EDIL3: variants seen among roughly 807,000 people sequenced by gnomAD.
EDIL3 encodes EGF-like repeat and discoidin I-like domain-containing protein 3.
Under a neutral mutation model 67.4 loss-of-function variants are expected in EDIL3, and 37 were observed. That is an observed-to-expected ratio of 0.55 (90% CI 0.42 to 0.72). The LOEUF is 0.72. EDIL3 is among the 30% of genes least tolerant of loss of function. The pLI, the probability that EDIL3 is intolerant of heterozygous loss-of-function variation, is 0.00. For missense variants in EDIL3, 527 were observed against 586.3 expected (o/e 0.90, Z 1.04); for synonymous variants, 195 against 196.3 (o/e 0.99, Z 0.05).
chr5:84,346,849 G>T (rs187547619), intron 1 of EDIL3, among the ~76,000 whole-genome samples: 1 of 152,266 alleles, frequency 6.6e-6, no homozygotes, highest in Admixed American at 6.5e-5. Context: ...ATATGAGAAT[G>T]TCCAACACAG....
Position 83,943,384 on chromosome 5 carries a change from A to T in EDIL3, c.*35T>A. The T allele has an allele frequency of 6.2e-7, 1 of 1,610,510 alleles. No individual in the cohort carries two copies. Among genetic ancestry groups the T allele is most frequent in the South Asian group, 1.1e-5 (1 of 90,970 alleles). On this transcript the variant is annotated 3_prime_UTR_variant, in exon 11 of 11. Transcript: ENST00000296591. ...TCATTCCATGGAGATACTTTTAGGG[A>T]AATAGGGAAGAGGGTTGTGAAATGT...
rs181559757 is a variant in EDIL3, at chr5:83,964,528, T to C, written c.1138-1168A>G. Among the ~76,000 whole-genome samples, 68 of 152,022 alleles carry C rather than the reference T, an allele frequency of 4.5e-4. No homozygotes were observed. In the East Asian group the frequency reaches 0.012, roughly 26 times the overall value. ...GAGATGTAAGGTAGCCACAAATAGA[T>C]AGTCATGGGTCAGATACAGGCCATG... On this transcript the variant is annotated intron_variant, in intron 9 of 10. Transcript: ENST00000296591.
chr5:83,994,687 T>C lies in EDIL3; in HGVS notation c.1138-31327A>G, dbSNP rs368988785. ...CCACATTGCTTAGTTCTTTCCAAAT[T>C]ACTTCTTGCCTGGAGAGAAAACATG... On this transcript the variant is annotated intron_variant, in intron 9 of 10. Coordinates refer to ENST00000296591, the MANE Select transcript of EDIL3 (RefSeq NM_005711.5). Among the ~76,000 whole-genome samples, 36 of 152,314 alleles carry C rather than the reference T, an allele frequency of 2.4e-4. No homozygotes were observed. The South Asian group carries it at 7.5e-3, about 32-fold the overall frequency.
At chr5:83,960,829 G>T (rs565638372) in intron 10 of EDIL3, among the ~76,000 whole-genome samples, 1 of 150,766 alleles carries the variant, frequency 6.6e-6, no homozygotes, top group South Asian at 2.1e-4. Context: ...TGACAAATAG[G>T]CACTAAATAG....
intron 3 of EDIL3, among the ~76,000 whole-genome samples, chr5:84,223,603 T>A (rs1271664053): frequency 6.6e-6 from 1 of 151,584 alleles, no homozygotes; most frequent in Non-Finnish European, 1.5e-5. Context: ...TAGAGCAGAA[T>A]AGTGGTTACT....
intron 1 of EDIL3, among the ~76,000 whole-genome samples, chr5:84,365,685 C>T (rs1026780119): frequency 1.3e-5 from 2 of 152,246 alleles, no homozygotes; most frequent in African/African-American, 4.8e-5. Flanking sequence ...GGATTGCTAA[C>T]CTTTGCCAAT....
At chr5:84,041,017 G>T (rs1434984161) in intron 9 of EDIL3, among the ~76,000 whole-genome samples, 1 of 152,066 alleles carries the variant, frequency 6.6e-6, no homozygotes, top group Non-Finnish European at 1.5e-5. Context: ...TGTGGCCCCA[G>T]CTACCTGGGA....
chr5:84,330,545 A>G (rs1371911114), intron 1 of EDIL3, among the ~76,000 whole-genome samples: 1 of 152,220 alleles, frequency 6.6e-6, no homozygotes, highest in Non-Finnish European at 1.5e-5. Flanking sequence ...GCTTGAGCAG[A>G]GTCAATAAAA....
chr5:84,293,470 C>T (rs1368405240), intron 1 of EDIL3, among the ~76,000 whole-genome samples: 1 of 150,576 alleles, frequency 6.6e-6, no homozygotes. Context: ...GCTTAACCTG[C>T]GAGTAGCTCT....
rs374449549 is a variant in EDIL3 at position 84,345,703 on chromosome 5, T to C, written c.67+38605A>G. Among the ~76,000 whole-genome samples, 9 of 152,322 alleles carry C rather than the reference T, an allele frequency of 5.9e-5. No individual in the cohort carries two copies. In the South Asian group the frequency reaches 1.9e-3, roughly 32 times the overall value. On this transcript the variant is annotated intron_variant, in intron 1 of 10. Coordinates refer to ENST00000296591, the MANE Select transcript of EDIL3 (RefSeq NM_005711.5). ...TAGCTGAACAGATGCCAGGAAAAAG[T>C]ATATTTATGCATCAAGATAATTTGT...
At chr5:84,241,511 T>C (rs1744793238) in intron 2 of EDIL3, among the ~76,000 whole-genome samples, 1 of 152,132 alleles carries the variant, frequency 6.6e-6, no homozygotes, top group Non-Finnish European at 1.5e-5. Context: ...GATTCCTAAT[T>C]ATGCAAGCCT....
rs142152874 is a variant in EDIL3 at position 84,034,454 on chromosome 5, A to C, written c.1137+25846T>G. ...TGGAAACTTTATGCAACAGTAGGCT[A>C]GGCTTCCTTCAGTGTAGTCATGAAA... On this transcript the variant is annotated intron_variant, in intron 9 of 10. Coordinates refer to ENST00000296591, the MANE Select transcript of EDIL3 (RefSeq NM_005711.5). Among the ~76,000 whole-genome samples, 246 of 152,312 alleles carry C rather than the reference A, an allele frequency of 1.6e-3. 2 individuals are homozygous for C. The highest frequency in any genetic ancestry group is 5.6e-3 in the African/African-American group (234 of 41,588).
chr5:84,361,398 AC>A (rs1213361150), intron 1 of EDIL3, among the ~76,000 whole-genome samples: 1 of 151,972 alleles, frequency 6.6e-6, no homozygotes, highest in African/African-American at 2.4e-5. Context: ...AATAACTATA[AC>A]TATCAATATT....
At chr5:84,196,550 G>A (rs564952877) in intron 3 of EDIL3, among the ~76,000 whole-genome samples, 3 of 151,888 alleles carry the variant, frequency 2.0e-5, no homozygotes, top group Non-Finnish European at 2.9e-5. Context: ...GTGTTGTGTT[G>A]TTATTGTCCC....
intron 2 of EDIL3, among the ~76,000 whole-genome samples, chr5:84,253,510 C>T (rs554339473): frequency 5.9e-5 from 9 of 152,174 alleles, no homozygotes; most frequent in East Asian, 1.9e-4. Flanking sequence ...ATACATATTT[C>T]GCAGATTTTT....
chr5:84,056,523 A>G (rs1746450715), intron 9 of EDIL3, among the ~76,000 whole-genome samples: 1 of 73,046 alleles, frequency 1.4e-5, no homozygotes, highest in South Asian at 4.9e-4. Context: ...ACGAATTCCC[A>G]AAGGACACAT....
At chr5:84,357,887 C>CAAA (rs140686250) in intron 1 of EDIL3, among the ~76,000 whole-genome samples, 23 of 79,150 alleles carry the variant, frequency 2.9e-4, no homozygotes, top group Non-Finnish European at 3.1e-4. Flanking sequence ...GACTCAGTCT[C>CAAA]AAAAAAAAAA....
chr5:84,071,362 GA>G (rs370597570), intron 6 of EDIL3, among the ~76,000 whole-genome samples: 19 of 152,242 alleles, frequency 1.2e-4, no homozygotes, highest in Admixed American at 5.9e-4. Flanking sequence ...TAAGCACCAT[GA>G]TCAAAAGGAA....
At chr5:84,364,710 T>C (rs1747690435) in intron 1 of EDIL3, among the ~76,000 whole-genome samples, 1 of 151,988 alleles carries the variant, frequency 6.6e-6, no homozygotes. Flanking sequence ...TAATATATTA[T>C]ATATACATGA....
Sources: gnomAD v4.1 joint callset for allele counts (sites outside exome capture counted in the v4.1 genomes callset) on GRCh38, gnomAD v4.1.1 for gene constraint, MANE v1.5 for transcripts, NCBI Gene and HGNC (gene_info 2026-07-23, HGNC 2026-07-21) for gene names.